Variants in SYNE2 observed in about 807,000 individuals in gnomAD.
SYNE2 encodes spectrin repeat containing nuclear envelope protein 2, also known as nesprin-2.
Under a neutral mutation model 856.3 loss-of-function variants are expected in SYNE2, and 431 were observed. That is an observed-to-expected ratio of 0.50 (90% CI 0.47 to 0.55). SYNE2 has a LOEUF of 0.55. Among genes scored for constraint, SYNE2 ranks in the 20% least tolerant of loss-of-function variants. The pLI is 0.00. For synonymous variants in SYNE2, 2,923 were observed against 2,872.3 expected (o/e 1.02, Z -0.56); for missense variants, 8,129 against 8,023.2 (o/e 1.01, Z -0.50).
chr14:64,122,042 G>T lies in SYNE2; in HGVS notation c.13189G>T (p.Asp4397Tyr), dbSNP rs1248540788. 1.1e-5 allele frequency: 18 copies of T among 1,613,678 alleles called. No individual in the cohort carries two copies. In the East Asian group the frequency reaches 4.0e-4, roughly 36 times the overall value. Residue 4397 changes from aspartate to tyrosine, a missense_variant, in exon 69 of 116, where the codon GAT becomes TAT. By Grantham distance (160) the Asp-to-Tyr change is radical (BLOSUM62 -3). Around this residue, in one of 3 missense-constraint regions of SYNE2, gnomAD observed 5,410 missense variants for 5,284.8 expected, o/e 1.02. Transcript: ENST00000555002. ...GGAGTTAAAACCAATGGAACAGAAA[G>T]ATTTCATCAAATTCATAGAATTTAA... ...VLELKPMEQK[D>Y]FIKFIEFNAK...
At chr14:64,184,329 GGTGTGTGTGTGTGTGTGTGTGTGTGT>G (rs767980383) in intron 96 of SYNE2, among the ~76,000 whole-genome samples, 1 of 144,164 alleles carries the variant, frequency 6.9e-6, no homozygotes, top group Non-Finnish European at 1.5e-5. Flanking sequence ...TATGCATAGG[GGTGTGTGTGTGTGTGTGTGTGTGTGT>G]GTGTGTGTAT....
At chr14:64,217,605 C>G (rs908336305) in intron 108 of SYNE2, among the ~76,000 whole-genome samples, 2 of 152,202 alleles carry the variant, frequency 1.3e-5, no homozygotes, top group African/African-American at 4.8e-5. Context: ...AGTCCCTGAC[C>G]TCTGCTTTAC....
intron 113 of SYNE2, among the ~76,000 whole-genome samples, chr14:64,223,757 A>G (rs541659920): frequency 6.6e-6 from 1 of 152,212 alleles, no homozygotes; most frequent in Admixed American, 6.5e-5. Flanking sequence ...CCTACTTTAA[A>G]ATGGGATCCA....
chr14:64,163,354 T>C (rs1221972456), intron 88 of SYNE2, 48 bp from the exon 89 acceptor site: 7 of 1,607,576 alleles, frequency 4.4e-6, no homozygotes, highest in African/African-American at 4.0e-5. Flanking sequence ...TAGGGAATTG[T>C]GGTTTGAAAG....
chr14:64,080,226 T>C (rs748459912), intron 55 of SYNE2, among the ~76,000 whole-genome samples: 2 of 152,188 alleles, frequency 1.3e-5, no homozygotes, highest in Non-Finnish European at 2.9e-5. Flanking sequence ...TCTGTTCCCC[T>C]ACAGCTAATT....
At chr14:63,849,061 C>T (rs1288071236), upstream of SYNE2, among the ~76,000 whole-genome samples, 1 of 152,162 alleles carries the variant, frequency 6.6e-6, no homozygotes, top group Non-Finnish European at 1.5e-5. Flanking sequence ...TGACAGGAAA[C>T]AAGACCAGAA....
In SYNE2 at chr14:63,941,738, A is replaced by G. The variant is rs769043361; in HGVS notation, c.185A>G (p.Lys62Arg). 6.2e-7 allele frequency: 1 copy of G among 1,614,146 alleles called. No homozygotes were observed. The highest frequency in any genetic ancestry group is 8.5e-7 in the Non-Finnish European group (1 of 1,180,010). ...SVISDLFTDI[K>R]KGHVLLDLLE... is the part of the protein sequence containing the mutation. ...ATATCCGACCTATTCACAGACATTA[A>G]AAAGGGGCATGTCCTCCTGGATCTG... The change falls in exon 4 of 116, where the codon AAA becomes AGA. Residue 62 changes from lysine to arginine, a missense_variant. Physicochemically the swap from Lys to Arg is conservative, Grantham distance 26. This residue lies in a region of SYNE2 where 2,422 missense variants were observed against 2,357.4 expected (regional missense o/e 1.03). Coordinates refer to ENST00000555002, the MANE Select transcript of SYNE2 (RefSeq NM_182914.3).
In SYNE2 at chr14:63,839,503, T is replaced by A. The variant is rs188573548; in HGVS notation, c.-304-12998T>A. On this transcript the variant is annotated intron_variant, in intron 1 of 23. Coordinates refer to the SYNE2 transcript ENST00000674003. ...GCAGTTCAGCTATTCTAGTCATTTG[T>A]TTATTTTTTTGTACTGATTTATAAA... Among the ~76,000 whole-genome samples, 226 of 152,302 alleles carry A rather than the reference T, an allele frequency of 1.5e-3. 1 individual carries two copies. Among genetic ancestry groups the A allele is most frequent in the Non-Finnish European group, 2.5e-3 (169 of 68,030 alleles).
Position 64,073,971 on chromosome 14 carries a change from T to C in SYNE2, c.10701T>C (p.Leu3567=). Residue 3567 remains leucine, a synonymous_variant, in exon 53 of 116, where the codon CTT becomes CTC. Transcript: ENST00000555002. ...ITSMKERCNK[L]LQKVQKNKEL... ...ATATTTTGACGTTCTCTTTTAGGCT[T>C]CTTCAGAAAGTTCAGAAAAATAAAG... is the stretch of plus-strand genomic sequence containing the variant. The C allele has an allele frequency of 6.2e-7, 1 of 1,614,052 alleles. No individual in the cohort carries two copies. The highest frequency in any genetic ancestry group is 1.1e-5 in the South Asian group (1 of 91,058).
chr14:63,820,216 TATAG>T (rs1221100630), intron 1 of SYNE2, among the ~76,000 whole-genome samples: 2 of 152,196 alleles, frequency 1.3e-5, no homozygotes, highest in Non-Finnish European at 1.5e-5. Context: ...ATAATGTGAT[TATAG>T]ATAGCATCAA....
At chr14:63,913,214 C>T (rs1187548888) in intron 2 of SYNE2, among the ~76,000 whole-genome samples, 6 of 152,026 alleles carry the variant, frequency 3.9e-5, no homozygotes, top group South Asian at 2.1e-4. Context: ...GGATTACAGG[C>T]GTAAGCCACC....
At chr14:64,208,578 CA>C (rs576549987) in intron 100 of SYNE2, among the ~76,000 whole-genome samples, 179 bp from the exon 101 acceptor site, 225 of 152,324 alleles carry the variant, frequency 1.5e-3, no homozygotes, top group African/African-American at 5.3e-3. Flanking sequence ...GTGCTGACAG[CA>C]CAAGGGTAGC....
At chr14:64,139,549 C>CTA (rs2098124322) in intron 79 of SYNE2, among the ~76,000 whole-genome samples, 1 of 151,970 alleles carries the variant, frequency 6.6e-6, no homozygotes, top group Non-Finnish European at 1.5e-5. Context: ...GTAGCTGGGA[C>CTA]TACAGGCGCC....
intron 83 of SYNE2, among the ~76,000 whole-genome samples, chr14:64,145,841 C>T (rs1216507279): frequency 6.6e-6 from 1 of 152,170 alleles, no homozygotes; most frequent in Admixed American, 6.5e-5. Flanking sequence ...AGCTACCTTT[C>T]TCAGCAGATT....
rs1479290284 is a variant in SYNE2, at chr14:64,051,900, C to G, written c.7987C>G (p.Gln2663Glu). Residue 2663 changes from glutamine (Q) to glutamate (E), a missense_variant, in exon 48 of 116, where the codon CAA becomes GAA. Transcript: ENST00000555002. ...LKSPEERAGN[Q>E]SMIALTTDLQ... is the part of the protein sequence containing the mutation. ...GTCTCCAGAAGAACGGGCAGGGAAC[C>G]AAAGCATGATTGCCTTGACCACTGA... The G allele has an allele frequency of 6.2e-7, 1 of 1,613,900 alleles. No individual in the cohort carries two copies. Among genetic ancestry groups the G allele is most frequent in the South Asian group, 1.1e-5 (1 of 91,072 alleles).
At chr14:63,965,569 C>T (rs1051845399) in intron 10 of SYNE2, among the ~76,000 whole-genome samples, 6 of 152,206 alleles carry the variant, frequency 3.9e-5, no homozygotes, top group African/African-American at 1.4e-4. Context: ...GTTGTCTATA[C>T]AGCACTGTGC....
intron 3 of SYNE2, 86 bp downstream of exon 3, chr14:63,940,761 A>T: frequency 1.7e-6 from 2 of 1,176,380 alleles, no homozygotes; most frequent in South Asian, 2.5e-5. Flanking sequence ...AGGCCATTAA[A>T]AAATGGTACT....
chr14:63,981,097 G>A lies in SYNE2; in HGVS notation c.1760G>A (p.Cys587Tyr), dbSNP rs1555410673. ...VKSTLQKVLA[C>Y]WATYVENLRL... ...TCCACTCTACAAAAAGTGCTGGCAT[G>A]TTGGGCTACTTATGTGGAAAACCTT... The change falls in exon 16 of 116, where the codon TGT becomes TAT. Residue 587 changes from cysteine (C) to tyrosine (Y), a missense_variant. Coordinates refer to ENST00000555002, the MANE Select transcript of SYNE2 (RefSeq NM_182914.3). 1.9e-6 allele frequency: 3 copies of A among 1,613,786 alleles called. No homozygotes were observed. The highest frequency in any genetic ancestry group is 1.7e-6 in the Non-Finnish European group (2 of 1,179,756).
chr14:63,855,941 G>T (rs1891600533), intron 1 of SYNE2, among the ~76,000 whole-genome samples: 1 of 152,208 alleles, frequency 6.6e-6, no homozygotes, highest in South Asian at 2.1e-4. Context: ...CTGGTGAGAA[G>T]GCCTCTAGGT....
Sources: allele counts gnomAD v4.1 joint callset (sites outside exome capture counted in the v4.1 genomes callset), GRCh38; gene constraint gnomAD v4.1.1; regional missense constraint gnomAD v4.1.1; transcripts MANE v1.5; gene names NCBI Gene and HGNC (gene_info 2026-07-23, HGNC 2026-07-21).